The following CLASP1 variants were observed in gnomAD, a reference collection of about 807,000 sequenced individuals.
The protein encoded by CLASP1 is CLIP-associating protein 1.
A neutral mutation model predicts 192.3 loss-of-function variants in CLASP1; 38 were observed. The ratio of observed to expected loss-of-function variants is 0.20; its 90% CI spans 0.15 to 0.26. The LOEUF is 0.26. Among genes scored for constraint, CLASP1 ranks in the 10% least tolerant of loss-of-function variants. The pLI, the probability that CLASP1 is intolerant of heterozygous loss-of-function variation, is 1.00. For missense variants in CLASP1, 1,433 were observed against 1,932.5 expected (o/e 0.74, Z 4.85); for synonymous variants, 691 against 712.8 (o/e 0.97, Z 0.49).
intron 2 of CLASP1, among the ~76,000 whole-genome samples, chr2:121,579,964 G>A (rs931032311): frequency 2.0e-5 from 3 of 152,158 alleles, no homozygotes; most frequent in African/African-American, 7.2e-5. Flanking sequence ...CATCGAAACA[G>A]TTCAAGTATT....
chr2:121,567,959 G>A (rs1017139286), intron 2 of CLASP1, among the ~76,000 whole-genome samples: 3 of 152,030 alleles, frequency 2.0e-5, no homozygotes, highest in African/African-American at 4.8e-5. Context: ...GTAAAGTTTC[G>A]GTGGACTGGT....
chr2:121,474,430 T>C (rs996051769), intron 8 of CLASP1, among the ~76,000 whole-genome samples: 2 of 152,148 alleles, frequency 1.3e-5, no homozygotes, highest in African/African-American at 2.4e-5. Flanking sequence ...CTGTATGTAA[T>C]GCTGCCCAAA....
intron 1 of CLASP1, among the ~76,000 whole-genome samples, chr2:121,611,482 T>G (rs1189654409): frequency 2.0e-4 from 15 of 75,350 alleles, no homozygotes; most frequent in Non-Finnish European, 2.4e-4. Flanking sequence ...GGAGGAGGCG[T>G]TGGAGGAGTT....
At position 121,617,581 on chromosome 2, in the gene CLASP1, A is replaced by G. The variant is rs531049790; in HGVS notation, c.-285-11401T>C. Among the ~76,000 whole-genome samples, 5 of 152,344 alleles carry G rather than the reference A, an allele frequency of 3.3e-5. 1 individual carries two copies. Among genetic ancestry groups the G allele is most frequent in the African/African-American group, 1.2e-4 (5 of 41,590 alleles). ...AGTGACAGCCATGTTGGCAAATCCA[A>G]GGAAGACTTTTCTGTACTTAACAAA... is the stretch of plus-strand genomic sequence containing the variant. On this transcript the variant is annotated intron_variant, in intron 1 of 39. Transcript: ENST00000263710.
intron 32 of CLASP1, among the ~76,000 whole-genome samples, chr2:121,386,068 AAC>A (rs2073116535): frequency 6.6e-6 from 1 of 152,234 alleles, no homozygotes; most frequent in South Asian, 2.1e-4. Context: ...CCAAGAGGAA[AAC>A]ACAAATTTCT....
intron 19 of CLASP1, among the ~76,000 whole-genome samples, chr2:121,438,729 T>C (rs2082742112): frequency 6.6e-6 from 1 of 152,026 alleles, no homozygotes; most frequent in South Asian, 2.1e-4. Flanking sequence ...GGATTCGTTT[T>C]GCCAGTATTT....
At chr2:121,592,315 C>G (rs1306052190) in intron 2 of CLASP1, among the ~76,000 whole-genome samples, 1 of 152,142 alleles carries the variant, frequency 6.6e-6, no homozygotes, top group South Asian at 2.1e-4. Flanking sequence ...AGGTAGCCAT[C>G]GCTCCATTTT....
exon 23 of CLASP1, chr2:121,418,723 C>G (rs757460054): frequency 1.9e-6 from 3 of 1,612,108 alleles, no homozygotes; most frequent in Non-Finnish European, 2.5e-6. Context: ...GATACGGCTG[C>G]TCCGTGCTAG....
chr2:121,502,576 G>A (rs538259509), intron 8 of CLASP1, among the ~76,000 whole-genome samples: 1 of 152,314 alleles, frequency 6.6e-6, no homozygotes, highest in Admixed American at 6.5e-5. Context: ...AAATTAGCAA[G>A]GAGGTCAAAC....
chr2:121,617,639 G>A (rs867575322), intron 1 of CLASP1, among the ~76,000 whole-genome samples: 21 of 152,236 alleles, frequency 1.4e-4, no homozygotes, highest in Middle Eastern at 6.8e-3. Flanking sequence ...AAAGTCGATC[G>A]CCCCTTCCTT....
At chr2:121,505,019 G>A (rs1266583508) in intron 7 of CLASP1, 1 of 152,128 alleles carries the variant, frequency 6.6e-6, no homozygotes, top group African/African-American at 2.4e-5. Flanking sequence ...CTTTTTAAAA[G>A]TAACAAAGAT....
At chr2:121,564,375 A>T (rs530843653) in intron 2 of CLASP1, among the ~76,000 whole-genome samples, 62 of 152,198 alleles carry the variant, frequency 4.1e-4, no homozygotes, top group Non-Finnish European at 8.7e-4. Context: ...TATCATGACT[A>T]AAATGGTTTG....
intron 19 of CLASP1, chr2:121,445,382 A>G: frequency 9.9e-7 from 1 of 1,008,948 alleles, no homozygotes; most frequent in East Asian, 6.0e-5. Context: ...AGAAGCTCAG[A>G]GAAGCTTGCT....
intron 30 of CLASP1, among the ~76,000 whole-genome samples, chr2:121,392,940 C>T (rs145236344): frequency 2.0e-4 from 31 of 152,266 alleles, no homozygotes; most frequent in Admixed American, 9.2e-4. Flanking sequence ...GTGATTCGTT[C>T]GTGTTTTGAT....
At chr2:121,582,493 G>A in intron 2 of CLASP1, among the ~76,000 whole-genome samples, 1 of 144,476 alleles carries the variant, frequency 6.9e-6, no homozygotes, top group African/African-American at 2.6e-5. Context: ...AAGGAAAGAA[G>A]GGAGGGAGAA....
intron 19 of CLASP1, among the ~76,000 whole-genome samples, chr2:121,446,762 G>A (rs2084426288): frequency 6.6e-6 from 1 of 152,146 alleles, no homozygotes; most frequent in Non-Finnish European, 1.5e-5. Context: ...CAGAGTAAGG[G>A]CATGCTCCTC....
At chr2:121,443,552 C>T in intron 19 of CLASP1, among the ~76,000 whole-genome samples, 1 of 152,208 alleles carries the variant, frequency 6.6e-6, no homozygotes, top group East Asian at 1.9e-4. Flanking sequence ...TATCAACCAG[C>T]TTCCCAATCA....
exon 34 of CLASP1, chr2:121,377,602 C>T: frequency 6.3e-7 from 1 of 1,593,316 alleles, no homozygotes; most frequent in Non-Finnish European, 8.6e-7. Flanking sequence ...ACGTAGAGAA[C>T]TATAGATTTC....
At position 121,575,667 on chromosome 2, in the gene CLASP1, C is replaced by T. The variant is rs1257245695; in HGVS notation, c.195+30034G>A. Among the ~76,000 whole-genome samples, 22 of 152,184 alleles carry T rather than the reference C, an allele frequency of 1.4e-4. 1 individual carries two copies. In the East Asian group the frequency reaches 4.2e-3, roughly 29 times the overall value. ...AAAGTGGTCTGCCCAAGTCTACGCA[C>T]CAGAGTAAAGCAAGTGTTCACAACT... is the stretch of plus-strand genomic sequence containing the variant. On this transcript the variant is annotated intron_variant, in intron 2 of 39. Transcript: ENST00000263710.
Sources: gnomAD v4.1 joint callset for allele counts (sites outside exome capture counted in the v4.1 genomes callset) on GRCh38, gnomAD v4.1.1 for gene constraint, MANE v1.5 for transcripts, NCBI Gene and HGNC (gene_info 2026-07-23, HGNC 2026-07-21) for gene names.